Variants in EPHB1 observed in about 807,000 individuals in gnomAD.
EPHB1 encodes EPH receptor B1, also known as ephrin type-B receptor 1.
A neutral mutation model predicts 94.4 loss-of-function variants in EPHB1; 30 were observed. The ratio of observed to expected loss-of-function variants is 0.32; its 90% CI spans 0.24 to 0.43. The LOEUF (loss-of-function observed/expected upper bound fraction) is 0.43. Ranked by LOEUF, EPHB1 falls within the 20% of genes least tolerant of loss-of-function variation. EPHB1 has a pLI of 1.00. For missense variants in EPHB1, 1,055 were observed against 1,308.3 expected (o/e 0.81, Z 2.99); for synonymous variants, 522 against 489.1 (o/e 1.07, Z -0.89).
At chr3:134,946,720 C>T (rs1352426590) in intron 2 of EPHB1, among the ~76,000 whole-genome samples, 1 of 152,136 alleles carries the variant, frequency 6.6e-6, no homozygotes, top group African/African-American at 2.4e-5. Flanking sequence ...TATTAGTTCA[C>T]ACAGGAGCTG....
intron 1 of EPHB1, among the ~76,000 whole-genome samples, chr3:134,812,583 C>A (rs2036197780): frequency 6.6e-6 from 1 of 152,106 alleles, no homozygotes; most frequent in Non-Finnish European, 1.5e-5. Flanking sequence ...GAGTACATGT[C>A]TTTATGTGAA....
chr3:134,795,839 C>A, intron 1 of EPHB1, 150 bp downstream of exon 1: 3 of 945,254 alleles, frequency 3.2e-6, no homozygotes, highest in East Asian at 2.8e-5. Flanking sequence ...TCGGCCGCTG[C>A]CGAGCGCGGG....
At chr3:135,112,331 GTGT>G (rs1387633493) in intron 4 of EPHB1, among the ~76,000 whole-genome samples, 1 of 152,228 alleles carries the variant, frequency 6.6e-6, no homozygotes, top group Non-Finnish European at 1.5e-5. Context: ...CAGGAATCTA[GTGT>G]TGTAAATTGG....
At chr3:134,897,677 A>C (rs534285862) in intron 1 of EPHB1, among the ~76,000 whole-genome samples, 1 of 152,234 alleles carries the variant, frequency 6.6e-6, no homozygotes, top group East Asian at 1.9e-4. Context: ...TGGATGATGG[A>C]TGAATGGCCA....
At chr3:135,101,161 G>A (rs1939022077) in intron 3 of EPHB1, among the ~76,000 whole-genome samples, 1 of 152,170 alleles carries the variant, frequency 6.6e-6, no homozygotes, top group Non-Finnish European at 1.5e-5. Context: ...ACACAGCAAG[G>A]TGTCGGCGGC....
At chr3:134,818,194 C>T (rs13084850) in intron 1 of EPHB1, among the ~76,000 whole-genome samples, 1 of 152,040 alleles carries the variant, frequency 6.6e-6, no homozygotes, top group South Asian at 2.1e-4. Flanking sequence ...CTTTCTCTAC[C>T]CTACTTTCAT....
At chr3:135,189,892 C>T (rs973147357) in intron 10 of EPHB1, among the ~76,000 whole-genome samples, 2 of 152,210 alleles carry the variant, frequency 1.3e-5, no homozygotes, top group Admixed American at 1.3e-4. Context: ...AAGACATCTG[C>T]CTGTTAAACA....
Position 134,981,681 on chromosome 3 carries a change from A to C in EPHB1, c.805+29629A>C, listed in dbSNP as rs559737608. Among the ~76,000 whole-genome samples the C allele has an allele frequency of 3.3e-5, 5 of 152,242 alleles. No homozygotes were observed. In the East Asian group the frequency reaches 7.7e-4, roughly 24 times the overall value. On this transcript the variant is annotated intron_variant, in intron 3 of 15. Coordinates refer to ENST00000398015, the MANE Select transcript of EPHB1 (RefSeq NM_004441.5). Reference sequence around the variant, plus strand: ...CATGCCTGCGTGCATCTGTGCACCCACCCACCCACTTATCAAATGTTTAGT... The same window carrying C: ...CATGCCTGCGTGCATCTGTGCACCCCCCCACCCACTTATCAAATGTTTAGT...
chr3:134,807,810 C>T (rs2036095570), intron 1 of EPHB1, among the ~76,000 whole-genome samples: 1 of 152,078 alleles, frequency 6.6e-6, no homozygotes, highest in Non-Finnish European at 1.5e-5. Flanking sequence ...TAGTGGGAAG[C>T]CGATACTCCC....
At chr3:134,900,340 T>G (rs183723681) in intron 1 of EPHB1, among the ~76,000 whole-genome samples, 1 of 152,112 alleles carries the variant, frequency 6.6e-6, no homozygotes. Context: ...TTATTTTTAT[T>G]TTTTTTGTAG....
chr3:135,014,811 G>T (rs1253187513), intron 3 of EPHB1, among the ~76,000 whole-genome samples: 1 of 152,196 alleles, frequency 6.6e-6, no homozygotes, highest in African/African-American at 2.4e-5. Flanking sequence ...CACAGTGATG[G>T]CCCACCTGGA....
At chr3:135,019,034 T>C (rs1450694385) in intron 3 of EPHB1, among the ~76,000 whole-genome samples, 1 of 151,974 alleles carries the variant, frequency 6.6e-6, no homozygotes, top group Non-Finnish European at 1.5e-5. Context: ...GAGCACCACG[T>C]GTTCAGTGGC....
intron 4 of EPHB1, among the ~76,000 whole-genome samples, chr3:135,130,037 G>A (rs1347232694): frequency 2.6e-5 from 4 of 152,166 alleles, no homozygotes; most frequent in East Asian, 1.9e-4. Context: ...AAGCAGGGGG[G>A]AAATTGTGCA....
chr3:135,232,312 G>A (rs1156955685), intron 12 of EPHB1, among the ~76,000 whole-genome samples: 1 of 152,252 alleles, frequency 6.6e-6, no homozygotes, highest in Non-Finnish European at 1.5e-5. Context: ...CTTTAGAGCA[G>A]TGCAGTAGAC....
intron 1 of EPHB1, among the ~76,000 whole-genome samples, chr3:134,829,813 G>A (rs1246477873): frequency 6.6e-6 from 1 of 152,122 alleles, no homozygotes; most frequent in Non-Finnish European, 1.5e-5. Flanking sequence ...GGGAAATTTG[G>A]ACGCAGACAT....
chr3:134,857,480 TG>T (rs1478773728), intron 1 of EPHB1, among the ~76,000 whole-genome samples: 2 of 152,114 alleles, frequency 1.3e-5, no homozygotes, highest in East Asian at 1.9e-4. Context: ...GTGTCAGCCC[TG>T]GGGTCCGTGC....
intron 3 of EPHB1, among the ~76,000 whole-genome samples, chr3:134,957,021 A>C (rs1258435432): frequency 6.6e-6 from 1 of 152,170 alleles, no homozygotes; most frequent in Admixed American, 6.5e-5. Context: ...TTTGAATGTT[A>C]TGGCTCACAT....
chr3:134,860,671 G>A (rs1372230435), intron 1 of EPHB1, among the ~76,000 whole-genome samples: 1 of 152,032 alleles, frequency 6.6e-6, no homozygotes, highest in Non-Finnish European at 1.5e-5. Flanking sequence ...AAATTAGCTG[G>A]GTGTGGTGGC....
chr3:134,807,616 G>T (rs73227044), intron 1 of EPHB1, among the ~76,000 whole-genome samples: 16,527 of 151,822 alleles, frequency 0.11, 997 homozygotes, highest in Middle Eastern at 0.18. Context: ...GGGCAACAGT[G>T]CTGTCTCAGG....
Sources: allele counts gnomAD v4.1 joint callset (sites outside exome capture counted in the v4.1 genomes callset), GRCh38; gene constraint gnomAD v4.1.1; transcripts MANE v1.5; gene names NCBI Gene and HGNC (gene_info 2026-07-23, HGNC 2026-07-21).